MTMR9: variants seen among roughly 807,000 people sequenced by gnomAD.
MTMR9 encodes myotubularin-related protein 9.
Under a neutral mutation model 69.5 loss-of-function variants are expected in MTMR9, and 39 were observed. That is an observed-to-expected ratio of 0.56 (90% CI 0.43 to 0.73). The LOEUF is 0.73. MTMR9 is among the 30% of genes least tolerant of loss of function. MTMR9 has a pLI of 0.00. For missense variants in MTMR9, 900 were observed against 671.2 expected (o/e 1.34, Z -3.77); for synonymous variants, 354 against 240.8 (o/e 1.47, Z -4.35).
chr8:11,291,151 A>G (rs1370544540), intron 1 of MTMR9, among the ~76,000 whole-genome samples: 2 of 152,116 alleles, frequency 1.3e-5, no homozygotes, highest in Non-Finnish European at 2.9e-5. Flanking sequence ...CAATTTTCAT[A>G]GGATTTTAAA....
intron 9 of MTMR9, 33 bp downstream of exon 9, chr8:11,319,871 G>C (rs765142724): frequency 6.2e-7 from 1 of 1,610,680 alleles, no homozygotes; most frequent in South Asian, 1.1e-5. Context: ...ACTTCTTAAC[G>C]GTCAGGTGTG....
the MTMR9 span, among the ~76,000 whole-genome samples, chr8:11,335,955 C>T: frequency 1.3e-5 from 2 of 152,290 alleles, no homozygotes; most frequent in Non-Finnish European, 2.9e-5. Context: ...GGGGAGGACA[C>T]AATTAAACTC....
At chr8:11,334,371 CAA>C in the MTMR9 span, among the ~76,000 whole-genome samples, 1 of 152,072 alleles carries the variant, frequency 6.6e-6, no homozygotes, top group Non-Finnish European at 1.5e-5. Flanking sequence ...ACATCAATAA[CAA>C]AGGGCGTGGG....
At chr8:11,291,967 C>T (rs896474339) in intron 1 of MTMR9, among the ~76,000 whole-genome samples, 10 of 152,100 alleles carry the variant, frequency 6.6e-5, no homozygotes, top group African/African-American at 2.4e-4. Context: ...TATGTACACA[C>T]CCTGAAACTG....
chr8:11,288,040 TATATA>T (rs1386395793), intron 1 of MTMR9, among the ~76,000 whole-genome samples: 1 of 125,322 alleles, frequency 8.0e-6, no homozygotes, highest in Non-Finnish European at 1.6e-5. Flanking sequence ...TAATATATAT[TATATA>T]ATACGTATTA....
intron 4 of MTMR9, 46 bp from the exon 5 acceptor site, chr8:11,306,144 T>C (rs745558749): frequency 1.9e-5 from 30 of 1,560,144 alleles, no homozygotes; most frequent in Non-Finnish European, 2.5e-5. Context: ...TTTCAGAAAC[T>C]TTAAAAGCAA....
intron 6 of MTMR9, among the ~76,000 whole-genome samples, chr8:11,311,836 A>T (rs1164279690): frequency 1.3e-5 from 2 of 151,740 alleles, no homozygotes; most frequent in East Asian, 3.9e-4. Flanking sequence ...GTTCTCTCAA[A>T]CACTGCCACT....
chr8:11,315,261 C>T (rs997575958), intron 7 of MTMR9, among the ~76,000 whole-genome samples, 197 bp downstream of exon 7: 1 of 152,162 alleles, frequency 6.6e-6, no homozygotes, highest in Admixed American at 6.6e-5. Context: ...CTTGACACTT[C>T]CTTCACTTAG....
At position 11,305,023 on chromosome 8, in the gene MTMR9, A is replaced by G. The variant is rs966262342; in HGVS notation, c.591+9A>G. ...ACAAAAAAAATGGGATGGTAAGTGCACAGCACTACTGCTTGATGTACTGAA... is the reference window on the plus strand; with the variant it reads ...ACAAAAAAAATGGGATGGTAAGTGCGCAGCACTACTGCTTGATGTACTGAA... On this transcript the variant is annotated intron_variant, in intron 4 of 9. Coordinates refer to ENST00000221086, the MANE Select transcript of MTMR9 (RefSeq NM_015458.4). 4 of 1,612,792 alleles carry G rather than the reference A, an allele frequency of 2.5e-6. No homozygotes were observed. In the South Asian group the frequency reaches 3.3e-5, roughly 13 times the overall value.
chr8:11,298,042 G>A (rs1799619880), intron 2 of MTMR9: 5 of 410,394 alleles, frequency 1.2e-5, no homozygotes, highest in South Asian at 3.5e-5. Context: ...GCTGCCTCAC[G>A]TAGAATCCCA....
Position 11,300,135 on chromosome 8 carries a change from T to G in MTMR9, c.404T>G (p.Leu135Arg), listed in dbSNP as rs1446208991. The G allele has an allele frequency of 1.2e-6, 2 of 1,613,222 alleles. No homozygotes were observed. The highest frequency in any genetic ancestry group is 1.3e-5 in the African/African-American group (1 of 75,004). ...TTCCTTCCTGAGCAAGAATTTGAAC[T>G]CTATTCTTCAGCTGTGAGTTAACTT... The part of the protein sequence containing the change: ...HSFLPEQEFE[L>R]YSSATSEWRL... The change falls in exon 3 of 10, where the codon CTC becomes CGC. Residue 135 changes from leucine to arginine, a missense_variant. By Grantham distance (102) the Leu-to-Arg change is moderately radical. Coordinates refer to ENST00000221086, the MANE Select transcript of MTMR9 (RefSeq NM_015458.4).
At chr8:11,287,925 TATATA>T (rs1468428646) in intron 1 of MTMR9, among the ~76,000 whole-genome samples, 59 of 128,576 alleles carry the variant, frequency 4.6e-4, no homozygotes, top group African/African-American at 1.6e-3. Flanking sequence ...TATTATATAT[TATATA>T]ATATGTGTTA....
chr8:11,287,906 CATAAT>C (rs1285728234), intron 1 of MTMR9, among the ~76,000 whole-genome samples: 1 of 121,948 alleles, frequency 8.2e-6, no homozygotes, highest in Non-Finnish European at 1.6e-5. Context: ...TTATATATAA[CATAAT>C]ATGTATTATA....
At chr8:11,312,634 C>G (rs1340365394) in intron 6 of MTMR9, among the ~76,000 whole-genome samples, 1 of 152,182 alleles carries the variant, frequency 6.6e-6, no homozygotes, top group African/African-American at 2.4e-5. Context: ...CTTCCAAAAT[C>G]TTTTTAATGT....
rs761554983 is a variant in MTMR9, at chr8:11,322,736, G to T, written c.1598G>T (p.Arg533Leu). 5.0e-6 allele frequency: 8 copies of T among 1,613,912 alleles called. No individual in the cohort carries two copies. In the South Asian group the frequency reaches 6.6e-5, roughly 13 times the overall value. The stretch of plus-strand genomic sequence containing the variant: ...TTACAAGCAAAAGTCAATATCCTTC[G>T]AAGGCAGTTGGCAGAACTGGAAACA... ...KELQAKVNILRRQLAELETED... is the reference protein window; with the variant it reads ...KELQAKVNILLRQLAELETED... Residue 533 changes from arginine (R) to leucine (L), a missense_variant, in exon 10 of 10, where the codon CGA (arginine) becomes CTA (leucine). Arg to Leu is a moderately radical substitution (Grantham distance 102). Coordinates refer to ENST00000221086, the MANE Select transcript of MTMR9 (RefSeq NM_015458.4).
chr8:11,333,176 C>G, the MTMR9 span, among the ~76,000 whole-genome samples: 1 of 152,048 alleles, frequency 6.6e-6, no homozygotes, highest in Admixed American at 6.6e-5. Context: ...CCTCTAATAC[C>G]ATAAACTCAA....
chr8:11,286,347 C>G (rs1799154336), intron 1 of MTMR9, among the ~76,000 whole-genome samples: 1 of 151,898 alleles, frequency 6.6e-6, no homozygotes, highest in South Asian at 2.1e-4. Flanking sequence ...TTATTAGTCT[C>G]CTCAAGCCAC....
chr8:11,306,426 A>G lies in MTMR9; in HGVS notation c.809+19A>G, dbSNP rs775053101. On this transcript the variant is annotated intron_variant, in intron 5 of 9. Transcript: ENST00000221086. ...TTGAGAGGTAAAAGATTCCAAAGATAGTACAGACTCTTATTAGAAGCTAAT... is the reference window on the plus strand; with the variant it reads ...TTGAGAGGTAAAAGATTCCAAAGATGGTACAGACTCTTATTAGAAGCTAAT... 10 of 1,606,246 alleles carry G rather than the reference A, an allele frequency of 6.2e-6. No individual in the cohort carries two copies. In the South Asian group the frequency reaches 8.8e-5, roughly 14 times the overall value.
At chr8:11,337,774 G>T in the MTMR9 span, among the ~76,000 whole-genome samples, 1 of 152,200 alleles carries the variant, frequency 6.6e-6, no homozygotes, top group Non-Finnish European at 1.5e-5. Flanking sequence ...ACCAGTGACT[G>T]AATTCATGTG....
Sources: gnomAD v4.1 joint callset for allele counts (sites outside exome capture counted in the v4.1 genomes callset) on GRCh38, gnomAD v4.1.1 for gene constraint, MANE v1.5 for transcripts, NCBI Gene and HGNC (gene_info 2026-07-23, HGNC 2026-07-21) for gene names.